The following SLC23A2 variants were observed in gnomAD, a reference collection of about 807,000 sequenced individuals.
The protein encoded by SLC23A2 is Na(+)/L-ascorbic acid transporter 2.
Under a neutral mutation model 73.3 loss-of-function variants are expected in SLC23A2, and 36 were observed. The ratio of observed to expected loss-of-function variants is 0.49; its 90% CI spans 0.38 to 0.65. The LOEUF is 0.65. Ranked by LOEUF, SLC23A2 falls within the 30% of genes least tolerant of loss-of-function variation. The probability of loss-of-function intolerance (pLI) is 0.00; values close to 1 mark genes in which losing one functional copy is unlikely to be tolerated. For missense variants in SLC23A2, 507 were observed against 841.6 expected, an observed-to-expected ratio of 0.60 and a Z score of 4.92; for synonymous variants, 343 against 327.3, an observed-to-expected ratio of 1.05 and a Z score of -0.52.
intron 3 of SLC23A2, among the ~76,000 whole-genome samples, chr20:4,923,046 A>C (rs568356042): frequency 6.6e-6 from 1 of 152,270 alleles, no homozygotes; most frequent in African/African-American, 2.4e-5. Context: ...TCAAATTAAA[A>C]GTATATTGCA....
At chr20:4,905,783 CT>C (rs1430941025) in intron 4 of SLC23A2, among the ~76,000 whole-genome samples, 1 of 152,152 alleles carries the variant, frequency 6.6e-6, no homozygotes, top group Non-Finnish European at 1.5e-5. Context: ...ATATTTCAAG[CT>C]TTGGGAGCCA....
intron 2 of SLC23A2, among the ~76,000 whole-genome samples, chr20:4,969,074 T>G (rs879494334): frequency 4.7e-5 from 7 of 149,776 alleles, no homozygotes; most frequent in Non-Finnish European, 7.4e-5. Context: ...TGTTTTTTGG[T>G]TTTTTTTGTT....
intron 6 of SLC23A2, among the ~76,000 whole-genome samples, chr20:4,890,739 T>G (rs148951001): frequency 3.3e-5 from 5 of 152,152 alleles, no homozygotes; most frequent in Non-Finnish European, 5.9e-5. Context: ...CATCCATCCA[T>G]CCATCCATCG....
chr20:4,935,716 G>C (rs1050433891), intron 2 of SLC23A2, among the ~76,000 whole-genome samples: 2 of 151,966 alleles, frequency 1.3e-5, no homozygotes, highest in Non-Finnish European at 2.9e-5. Context: ...GGAGAATGGC[G>C]TGAACCTGGG....
chr20:4,922,548 C>G (rs1166242393), intron 3 of SLC23A2, among the ~76,000 whole-genome samples: 1 of 152,174 alleles, frequency 6.6e-6, no homozygotes, highest in Non-Finnish European at 1.5e-5. Context: ...AGGTGAGAGG[C>G]CGGGCACAGT....
At chr20:4,906,024 T>C (rs190635990) in intron 4 of SLC23A2, among the ~76,000 whole-genome samples, 106 of 152,354 alleles carry the variant, frequency 7.0e-4, no homozygotes, top group Non-Finnish European at 1.1e-3. Flanking sequence ...CTATTTTTTT[T>C]CTCTTGATCA....
intron 2 of SLC23A2, among the ~76,000 whole-genome samples, chr20:4,935,581 G>A (rs577148898): frequency 1.3e-5 from 2 of 152,214 alleles, no homozygotes; most frequent in East Asian, 1.9e-4. Context: ...GGCGGATCAC[G>A]AGGTCAGGAG....
intron 6 of SLC23A2, among the ~76,000 whole-genome samples, chr20:4,892,840 A>G (rs561883440): frequency 2.4e-4 from 36 of 152,276 alleles, no homozygotes; most frequent in African/African-American, 8.2e-4. Flanking sequence ...CAGCAAAGAG[A>G]CACAACAAAC....
chr20:4,907,038 C>T (rs913826295), intron 4 of SLC23A2, among the ~76,000 whole-genome samples: 3 of 152,150 alleles, frequency 2.0e-5, no homozygotes, highest in Non-Finnish European at 2.9e-5. Flanking sequence ...ACTGGTCAGA[C>T]AGTGTGTTAA....
intron 8 of SLC23A2, 77 bp downstream of exon 8, chr20:4,884,676 C>A (rs1931026291): frequency 2.2e-6 from 2 of 915,056 alleles, no homozygotes; most frequent in East Asian, 2.4e-5. Context: ...AAAGTAACTG[C>A]TATTTCTTGG....
chr20:4,864,595 C>G (rs1442530070), intron 13 of SLC23A2, among the ~76,000 whole-genome samples: 1 of 152,208 alleles, frequency 6.6e-6, no homozygotes, highest in Non-Finnish European at 1.5e-5. Flanking sequence ...CAAACATTTT[C>G]GAGGAACTAT....
In SLC23A2 at chr20:4,856,987, G is replaced by A. The variant is rs945910337; in HGVS notation, c.1938C>T (p.Ser646=). 9 of 1,613,272 alleles carry A rather than the reference G, an allele frequency of 5.6e-6. No homozygotes were observed. The highest frequency in any genetic ancestry group is 2.2e-5 in the East Asian group (1 of 44,872). ...SDNSRSSDED[S]QATG is the part of the protein sequence containing the mutation. ...ACAGCAAAGGCTATCCCGTGGCCTG[G>A]GAGTCTTCATCTGAACTCCGGCTGT... Residue 646 remains serine (S), a synonymous_variant, in exon 17 of 17, where the codon TCC becomes TCT. Coordinates refer to ENST00000338244, the MANE Select transcript of SLC23A2 (RefSeq NM_005116.6). The surrounding 1 kb of genome is among the most constrained non-coding windows in gnomAD (Gnocchi z 4.6).
chr20:4,927,609 T>C (rs1236237990), intron 3 of SLC23A2, among the ~76,000 whole-genome samples: 1 of 152,178 alleles, frequency 6.6e-6, no homozygotes, highest in Admixed American at 6.5e-5. Flanking sequence ...CCCATCATCT[T>C]CCATCTTCCC....
chr20:4,902,611 T>C lies in SLC23A2; in HGVS notation c.208-53A>G, dbSNP rs2122873576. On this transcript the variant is annotated intron_variant, in intron 4 of 16. Transcript: ENST00000338244. This position sits in a 1 kb window ranked among gnomAD's most constrained non-coding sequence, Gnocchi z 4.0. ...GCTCATTAAACGTGAAGACCAGTGT[T>C]AGCTCGGCCATGTACAGGCCACTAT... The C allele has an allele frequency of 9.6e-7, 1 of 1,037,702 alleles. No homozygotes were observed. The highest frequency in any genetic ancestry group is 1.6e-5 in the African/African-American group (1 of 62,636). The allele number at this position is 1,037,702 out of a possible 1,614,324, so 64.3% of individuals were successfully genotyped here. A position where few individuals can be genotyped will look rare whatever the true frequency, so the allele number is the denominator to read the frequency against.
chr20:4,897,089 A>T (rs532086052), intron 6 of SLC23A2, among the ~76,000 whole-genome samples: 17 of 152,126 alleles, frequency 1.1e-4, no homozygotes, highest in Non-Finnish European at 2.1e-4. Flanking sequence ...ATGTGCTTCG[A>T]TGTCACCATT....
intron 1 of SLC23A2, among the ~76,000 whole-genome samples, chr20:4,974,328 A>G (rs967090197): frequency 1.1e-4 from 17 of 152,034 alleles, no homozygotes; most frequent in Non-Finnish European, 1.6e-4. Flanking sequence ...TTAGCCAGGC[A>G]TGGTGGCGCA....
At chr20:4,885,744 A>T in intron 7 of SLC23A2, 77 bp downstream of exon 7, 1 of 1,000,242 alleles carries the variant, frequency 1.0e-6, no homozygotes, top group Non-Finnish European at 1.6e-6. Context: ...AGCGCTGCTG[A>T]GGGCAGCACG....
At chr20:4,875,681 G>A (rs924798331) in intron 9 of SLC23A2, among the ~76,000 whole-genome samples, 1 of 152,116 alleles carries the variant, frequency 6.6e-6, no homozygotes, top group Non-Finnish European at 1.5e-5. Context: ...GGTGTCCCAC[G>A]GGGCTGGCAG....
At position 4,932,605 on chromosome 20, in the gene SLC23A2, T is replaced by G. The variant is rs1439854396; in HGVS notation, c.-43A>C. On this transcript the variant is annotated 5_prime_UTR_variant, in exon 3 of 17. Transcript: ENST00000338244. ...TTACACAGCCGTTGGGGAGAGCAGC[T>G]GGAAGTGAAGGCTTATTCAAGCTAG... is the stretch of plus-strand genomic sequence containing the variant. The G allele has an allele frequency of 1.9e-6, 2 of 1,080,228 alleles. No individual in the cohort carries two copies. The highest frequency in any genetic ancestry group is 1.5e-5 in the African/African-American group (1 of 64,642). 66.9% of individuals were successfully genotyped at this position (1,080,228 alleles called of 1,614,324 possible).
Sources: gnomAD v4.1 joint callset for allele counts (sites outside exome capture counted in the v4.1 genomes callset) on GRCh38, gnomAD v4.1.1 for gene constraint, Gnocchi (gnomAD v3.1) non-coding constraint, MANE v1.5 for transcripts, NCBI Gene and HGNC (gene_info 2026-07-23, HGNC 2026-07-21) for gene names.